Variants in RAP1B observed in about 807,000 individuals in gnomAD.
RAP1B encodes ras-related protein Rap-1b.
In RAP1B, 1 loss-of-function variant was observed where a neutral mutation model predicts 27.5. The observed-to-expected ratio is 0.04, with a 90% CI of 0.01 to 0.17. RAP1B has a LOEUF of 0.17. Ranked by LOEUF, RAP1B falls within the 10% of genes least tolerant of loss-of-function variation. The pLI, the probability that RAP1B is intolerant of heterozygous loss-of-function variation, is 1.00. For missense variants in RAP1B, 84 were observed against 214.8 expected (o/e 0.39, Z 3.81); for synonymous variants, 75 against 73.1 (o/e 1.03, Z -0.13).
intron 1 of RAP1B, among the ~76,000 whole-genome samples, chr12:68,622,290 T>C (rs1345953151): frequency 6.6e-6 from 1 of 152,228 alleles, no homozygotes; most frequent in Non-Finnish European, 1.5e-5. Flanking sequence ...TCCTAACTTG[T>C]TTTCATTTTT....
At chr12:68,622,156 T>C (rs1399351750) in intron 1 of RAP1B, among the ~76,000 whole-genome samples, 1 of 152,228 alleles carries the variant, frequency 6.6e-6, no homozygotes, top group Non-Finnish European at 1.5e-5. Context: ...TAGGACCTTA[T>C]CTTTATGTAG....
chr12:68,648,881 T>G (rs1279257252), intron 2 of RAP1B, 100 bp downstream of exon 2: 3 of 1,070,126 alleles, frequency 2.8e-6, no homozygotes, highest in Non-Finnish European at 4.0e-6. Flanking sequence ...ATAAAATTCC[T>G]TAATGACTTT....
intron 1 of RAP1B, among the ~76,000 whole-genome samples, chr12:68,644,977 G>A (rs1295858442): frequency 1.3e-5 from 2 of 152,154 alleles, no homozygotes; most frequent in Admixed American, 6.5e-5. Flanking sequence ...GGGATTACAG[G>A]CGTGAGCCAC....
intron 1 of RAP1B, among the ~76,000 whole-genome samples, chr12:68,634,452 G>A (rs773488230): frequency 6.6e-6 from 1 of 152,136 alleles, no homozygotes; most frequent in Non-Finnish European, 1.5e-5. Context: ...TGCTAGTTCA[G>A]ATGACAGGGA....
chr12:68,640,467 A>G (rs1382236388), intron 1 of RAP1B, among the ~76,000 whole-genome samples: 6 of 152,122 alleles, frequency 3.9e-5, no homozygotes, highest in African/African-American at 9.7e-5. Flanking sequence ...CCTAACATAT[A>G]TTAGGTACTC....
At chr12:68,653,853 C>G (rs1873999333) in intron 4 of RAP1B, among the ~76,000 whole-genome samples, 1 of 151,922 alleles carries the variant, frequency 6.6e-6, no homozygotes, top group South Asian at 2.1e-4. Flanking sequence ...ATCACTTGAG[C>G]CCGGGAGGCA....
intron 4 of RAP1B, 105 bp from the exon 5 acceptor site, chr12:68,654,007 A>G (rs1874015375): frequency 1.1e-6 from 1 of 937,072 alleles, no homozygotes; most frequent in Non-Finnish European, 1.6e-6. Context: ...AAAGTTACAT[A>G]ATACTACAGT....
intron 1 of RAP1B, among the ~76,000 whole-genome samples, chr12:68,615,539 A>G (rs1004613747): frequency 5.1e-4 from 78 of 151,910 alleles, no homozygotes; most frequent in African/African-American, 1.8e-3. Context: ...CAGTGAGCCA[A>G]GATCGCTCCA....
chr12:68,654,690 G>T (rs953539325), intron 5 of RAP1B, among the ~76,000 whole-genome samples: 1 of 151,966 alleles, frequency 6.6e-6, no homozygotes, highest in African/African-American at 2.4e-5. Flanking sequence ...TGTTAGCCAG[G>T]ATGGTCTCGA....
At chr12:68,654,673 T>A (rs1384035861) in intron 5 of RAP1B, among the ~76,000 whole-genome samples, 1 of 152,090 alleles carries the variant, frequency 6.6e-6, no homozygotes, top group African/African-American at 2.4e-5. Flanking sequence ...GAGACAGGGT[T>A]TCACCATGTT....
chr12:68,630,530 T>C (rs1162845059), intron 1 of RAP1B, among the ~76,000 whole-genome samples: 1 of 152,116 alleles, frequency 6.6e-6, no homozygotes, highest in Admixed American at 6.5e-5. Context: ...AATAATTAGG[T>C]GTCTTCCATA....
At chr12:68,637,622 A>AG (rs1872719758) in intron 1 of RAP1B, among the ~76,000 whole-genome samples, 6 of 150,506 alleles carry the variant, frequency 4.0e-5, no homozygotes, top group African/African-American at 1.5e-4. Context: ...AAAAAAAAAA[A>AG]AAAAAACAAG....
At chr12:68,646,097 T>C (rs752495682) in intron 1 of RAP1B, among the ~76,000 whole-genome samples, 7 of 152,150 alleles carry the variant, frequency 4.6e-5, no homozygotes, top group Non-Finnish European at 5.9e-5. Context: ...CACTAAGAAG[T>C]GTAGCTCCCA....
intron 1 of RAP1B, among the ~76,000 whole-genome samples, chr12:68,614,591 T>C (rs542723650): frequency 2.0e-5 from 3 of 151,332 alleles, no homozygotes; most frequent in Non-Finnish European, 4.4e-5. Context: ...AAATATGCCC[T>C]GGGTTTTCTT....
chr12:68,658,940 A>T (rs1874424107), intron 7 of RAP1B, among the ~76,000 whole-genome samples: 4 of 152,208 alleles, frequency 2.6e-5, no homozygotes, highest in African/African-American at 9.6e-5. Context: ...TTCAATCCTA[A>T]TTCTAATAAG....
chr12:68,627,491 A>G (rs747796988), intron 1 of RAP1B: 1 of 270,152 alleles, frequency 3.7e-6, no homozygotes, highest in Non-Finnish European at 7.2e-6. Flanking sequence ...TTTAAAATTG[A>G]TTAGGTCTCC....
Position 68,666,549 on chromosome 12 carries a change from C to T in RAP1B, c.*7300C>T, listed in dbSNP as rs1592478362. 2 of 152,166 alleles carry T rather than the reference C, an allele frequency of 1.3e-5. No homozygotes were observed. The highest frequency in any genetic ancestry group is 4.8e-5 in the African/African-American group (2 of 41,424). The allele number at this position is 152,166 out of a possible 1,614,324, so 9.4% of individuals were successfully genotyped here. A position where few individuals can be genotyped will look rare whatever the true frequency, so the allele number is the denominator to read the frequency against. On this transcript the variant is annotated 3_prime_UTR_variant, in exon 8 of 8. Transcript: ENST00000250559. ...CACATGTGCCTCTATCTTTGTATCT[C>T]CTCCTCTCTATAATCTTTCTTTTAA... is the stretch of plus-strand genomic sequence containing the variant.
At chr12:68,618,753 T>A (rs929706568) in intron 1 of RAP1B, among the ~76,000 whole-genome samples, 5 of 152,120 alleles carry the variant, frequency 3.3e-5, no homozygotes, top group Admixed American at 1.3e-4. Context: ...TTTTTTTAAG[T>A]TTCACCTAAA....
At chr12:68,650,362 T>C in intron 2 of RAP1B, 38 bp from the exon 3 acceptor site, 1 of 1,480,502 alleles carries the variant, frequency 6.8e-7, no homozygotes, top group Non-Finnish European at 9.1e-7. Flanking sequence ...TGTACTCTTT[T>C]CTTTAGAAGT....
Sources: gnomAD v4.1 joint callset for allele counts (sites outside exome capture counted in the v4.1 genomes callset) on GRCh38, gnomAD v4.1.1 for gene constraint, MANE v1.5 for transcripts, NCBI Gene and HGNC (gene_info 2026-07-23, HGNC 2026-07-21) for gene names.